Variants in CLSPN observed in about 807,000 individuals in gnomAD.
The protein encoded by CLSPN is claspin.
CLSPN carries 85 observed loss-of-function variants against 156.3 expected under a neutral mutation model. The ratio of observed to expected loss-of-function variants is 0.54; its 90% confidence interval spans 0.46 to 0.65. CLSPN has a LOEUF of 0.65. Among genes scored for constraint, CLSPN ranks in the 30% least tolerant of loss-of-function variants. The pLI is 0.00. For missense variants in CLSPN, 1,407 were observed against 1,554.9 expected (o/e 0.90, Z 1.60); for synonymous variants, 534 against 542.4 (o/e 0.98, Z 0.22).
chr1:35,738,646 C>CA, intron 20 of CLSPN, 64 bp from the exon 21 acceptor site: 2 of 1,539,914 alleles, frequency 1.3e-6, no homozygotes, highest in Non-Finnish European at 1.8e-6. Flanking sequence ...CTTGGACAGA[C>CA]AAAAAATAAA....
At chr1:35,762,539 T>C (rs1286289008) in intron 4 of CLSPN, 58 bp from the exon 5 acceptor site, 13 of 1,334,904 alleles carry the variant, frequency 9.7e-6, no homozygotes, top group Non-Finnish European at 1.4e-5. Flanking sequence ...GAGGATGCTT[T>C]AGCTGAAGAC....
rs1035617864 is a variant in CLSPN, at chr1:35,760,984, T to C, written c.1005-68A>G. The C allele has an allele frequency of 4.9e-6, 7 of 1,421,942 alleles. No individual in the cohort carries two copies. The Admixed American group carries it at 7.3e-5, about 15-fold the overall frequency. The allele number at this position is 1,421,942 out of a possible 1,614,324, so 88.1% of individuals were successfully genotyped here. Reference sequence around the variant, plus strand: ...TGTGAAACATTCTCATCCCTTAGTATATATCAGTTAAATCAGTTTTAAGGG... The same window carrying C: ...TGTGAAACATTCTCATCCCTTAGTACATATCAGTTAAATCAGTTTTAAGGG... On this transcript the variant is annotated intron_variant, in intron 7 of 24. Transcript: ENST00000318121.
intron 18 of CLSPN, among the ~76,000 whole-genome samples, chr1:35,742,743 CTT>C (rs563818822): frequency 1.1e-4 from 15 of 130,592 alleles, no homozygotes; most frequent in Admixed American, 1.6e-4. Context: ...AAGTGATCAA[CTT>C]TTTTTTTTTT....
chr1:35,740,787 A>T (rs1182285969), intron 18 of CLSPN, among the ~76,000 whole-genome samples: 1 of 152,172 alleles, frequency 6.6e-6, no homozygotes, highest in African/African-American at 2.4e-5. Context: ...TTCAGAGGCC[A>T]CTAGTCACTA....
At chr1:35,756,094 A>G (rs1642264075) in intron 8 of CLSPN, among the ~76,000 whole-genome samples, 1 of 152,188 alleles carries the variant, frequency 6.6e-6, no homozygotes, top group African/African-American at 2.4e-5. Context: ...AGAAAAAGAG[A>G]AAAATGAAGG....
In CLSPN at chr1:35,738,557, G is replaced by A. The variant is rs1180446774; in HGVS notation, c.3456C>T (p.Phe1152=). The A allele has an allele frequency of 1.2e-6, 2 of 1,613,914 alleles. No individual in the cohort carries two copies. The highest frequency in any genetic ancestry group is 3.3e-5 in the Admixed American group (2 of 60,004). The change falls in exon 21 of 25, where the codon TTC becomes TTT. Residue 1152 remains phenylalanine (F), a synonymous_variant. Coordinates refer to ENST00000318121, the MANE Select transcript of CLSPN (RefSeq NM_022111.4). The stretch of plus-strand genomic sequence containing the variant: ...TCTGATCATCATCAGAGTCTCTGTG[G>A]AACAAGTCCATCTGGGAAGCATCAT... ...NIDDASQMDL[F]HRDSDDDQTE... is the part of the protein sequence containing the mutation.
intron 18 of CLSPN, among the ~76,000 whole-genome samples, chr1:35,740,171 A>C (rs1641642882): frequency 6.6e-6 from 1 of 152,212 alleles, no homozygotes; most frequent in Non-Finnish European, 1.5e-5. Context: ...GGTGTGGTGT[A>C]GAAAGGTAAT....
In CLSPN at chr1:35,749,460, T is replaced by C. The variant is rs142451565; in HGVS notation, c.2272+7A>G. On this transcript the variant is annotated splice_region_variant and intron_variant, in intron 12 of 24. Coordinates refer to ENST00000318121, the MANE Select transcript of CLSPN (RefSeq NM_022111.4). ...ATGTTAAGTTCTGCACAAGAATCAC[T>C]ACTTACCCAGTTTGCTAGGCTGCTT... is the stretch of plus-strand genomic sequence containing the variant. 125 of 1,613,570 alleles carry C rather than the reference T, an allele frequency of 7.7e-5. 1 individual carries two copies. The Middle Eastern group carries it at 3.1e-3, about 40-fold the overall frequency.
rs778513106 is a variant in CLSPN at position 35,720,688 on chromosome 1, C to A, written c.*203G>T. On this transcript the variant is annotated 3_prime_UTR_variant, in exon 25 of 25. Transcript: ENST00000251195. The stretch of plus-strand genomic sequence containing the variant: ...GTCTTGATCTCCTGACCTTGTGATC[C>A]ACCCACCTCGGCCTCCCAAAGTGCT... The A allele has an allele frequency of 8.3e-4, 284 of 342,958 alleles. 1 individual carries two copies. Among genetic ancestry groups the A allele is most frequent in the Non-Finnish European group, 1.2e-3 (217 of 185,464 alleles). The allele number at this position is 342,958 out of a possible 1,614,324, so 21.2% of individuals were successfully genotyped here.
chr1:35,766,513 C>T (rs571240489), intron 1 of CLSPN, among the ~76,000 whole-genome samples: 30 of 152,092 alleles, frequency 2.0e-4, no homozygotes, highest in African/African-American at 7.0e-4. Flanking sequence ...GGCGCGATCT[C>T]GGCTCACCGC....
chr1:35,764,667 C>G lies in CLSPN; in HGVS notation c.181G>C (p.Val61Leu), dbSNP rs148367321. 6.3e-7 allele frequency: 1 copy of G among 1,590,078 alleles called. No homozygotes were observed. The highest frequency in any genetic ancestry group is 2.2e-5 in the East Asian group (1 of 44,646). ...FVSKKLKNRK[V>L]LQDSDSETED... ...GTTTCGGAATCACTGTCTTGTAGAA[C>G]CTTCCTGTTTTTCAACTTCTTACTT... The change falls in exon 3 of 25, where the codon GTT (valine) becomes CTT (leucine). Residue 61 changes from valine to leucine, a missense_variant. Transcript: ENST00000318121.
chr1:35,732,737 G>A lies in CLSPN; in HGVS notation c.*3759C>T, dbSNP rs1340349491. The A allele has an allele frequency of 3.0e-6, 3 of 985,196 alleles. No homozygotes were observed. In the African/African-American group the frequency reaches 5.2e-5, roughly 17 times the overall value. The allele number at this position is 985,196 out of a possible 1,614,324, so 61.0% of individuals were successfully genotyped here. The stretch of plus-strand genomic sequence containing the variant: ...TCAGAGCCATAGTGGCAGGTCCTGG[G>A]GCTTCAATTTCATTAAAACATAACT... On this transcript the variant is annotated 3_prime_UTR_variant, in exon 25 of 25. Coordinates refer to ENST00000318121, the MANE Select transcript of CLSPN (RefSeq NM_022111.4).
rs1642076395 is a variant in CLSPN, at chr1:35,751,305, T to G, written c.1973A>C (p.Glu658Ala). The G allele has an allele frequency of 8.2e-6, 13 of 1,588,140 alleles. No individual in the cohort carries two copies. Among genetic ancestry groups the G allele is most frequent in the African/African-American group, 4.0e-5 (3 of 74,640 alleles). ...TTCTTTCTCCTCCTCTTCCTCTAGT[T>G]CTTCCTCTTTCTCTTCTTTCTCTAC... Reference protein sequence around the residue: ...EKVEKEEKEEELEEEEEKEEE... With the variant: ...EKVEKEEKEEALEEEEEKEEE... Residue 658 changes from glutamate to alanine, a missense_variant, in exon 10 of 25, where the codon GAA (glutamate) becomes GCA (alanine). Glu to Ala is a moderately radical substitution (Grantham distance 107). Transcript: ENST00000318121.
At chr1:35,728,340 C>T (rs993908985), downstream of CLSPN, among the ~76,000 whole-genome samples, 4 of 152,102 alleles carry the variant, frequency 2.6e-5, no homozygotes, top group African/African-American at 9.7e-5. Context: ...CCTCAACCTC[C>T]CAAAGTGCTG....
At chr1:35,748,356 T>C (rs1166689976) in intron 13 of CLSPN, 49 bp downstream of exon 13, 6 of 1,528,760 alleles carry the variant, frequency 3.9e-6, no homozygotes, top group South Asian at 3.4e-5. Context: ...TATTTAGCAA[T>C]GTGGGAAGCA....
chr1:35,756,425 A>G (rs1460159333), intron 8 of CLSPN, among the ~76,000 whole-genome samples: 1 of 152,018 alleles, frequency 6.6e-6, no homozygotes, highest in Non-Finnish European at 1.5e-5. Context: ...TCCTCCCCCA[A>G]CCCATTGGAG....
chr1:35,764,667 C>A lies in CLSPN; in HGVS notation c.181G>T (p.Val61Phe), dbSNP rs148367321. The part of the protein sequence containing the change: ...FVSKKLKNRK[V>F]LQDSDSETED... ...GTTTCGGAATCACTGTCTTGTAGAACCTTCCTGTTTTTCAACTTCTTACTT... is the reference window on the plus strand; with the variant it reads ...GTTTCGGAATCACTGTCTTGTAGAAACTTCCTGTTTTTCAACTTCTTACTT... Residue 61 changes from valine to phenylalanine, a missense_variant, in exon 3 of 25, where the codon GTT (valine) becomes TTT (phenylalanine). Physicochemically the swap from Val to Phe is conservative, Grantham distance 50. This residue lies in a region of CLSPN where 1,096 missense variants were observed against 1,193.0 expected (regional missense o/e 0.92). Transcript: ENST00000318121. 307 of 1,590,078 alleles carry A rather than the reference C, an allele frequency of 1.9e-4. 1 individual carries two copies. The highest frequency in any genetic ancestry group is 1.1e-3 in the South Asian group (93 of 85,058).
intron 16 of CLSPN, 158 bp from the exon 17 acceptor site, chr1:35,743,688 ATC>A: frequency 5.0e-6 from 3 of 604,038 alleles, no homozygotes; most frequent in Non-Finnish European, 8.8e-6. Context: ...CAGTGGCACC[ATC>A]TCAGCTCACT....
intron 12 of CLSPN, 72 bp from the exon 13 acceptor site, chr1:35,748,676 G>T: frequency 1.5e-6 from 2 of 1,306,320 alleles, no homozygotes; most frequent in Middle Eastern, 1.8e-4. Context: ...AAAAAGAGTT[G>T]AGGATGAAAC....
Sources: gnomAD v4.1 joint callset for allele counts (sites outside exome capture counted in the v4.1 genomes callset) on GRCh38, gnomAD v4.1.1 for gene constraint, gnomAD v4.1.1 regional missense constraint, MANE v1.5 for transcripts, NCBI Gene and HGNC (gene_info 2026-07-23, HGNC 2026-07-21) for gene names.